TBC1D22A: variants seen among roughly 807,000 people sequenced by gnomAD.
TBC1D22A encodes TBC1 domain family member 22A.
Under a neutral mutation model 60.2 loss-of-function variants are expected in TBC1D22A, and 38 were observed. That is an observed-to-expected ratio of 0.63 (90% CI 0.49 to 0.83). The LOEUF (loss-of-function observed/expected upper bound fraction) is 0.83. TBC1D22A is among the 40% of genes least tolerant of loss of function. The probability of loss-of-function intolerance (pLI) is 0.00; values close to 1 mark genes in which losing one functional copy is unlikely to be tolerated. For missense variants in TBC1D22A, 628 were observed against 701.0 expected (o/e 0.90, Z 1.18); for synonymous variants, 302 against 281.7 (o/e 1.07, Z -0.72).
rs1043644248 is a variant in TBC1D22A, at chr22:47,174,005, G to A, written c.*379G>A. Reference sequence around the variant, plus strand: ...GCTGTCTGGGTGCCAGGGCCGGAACGAGGTAGTGGCCATCTCATACCTACT... The same window carrying A: ...GCTGTCTGGGTGCCAGGGCCGGAACAAGGTAGTGGCCATCTCATACCTACT... On this transcript the variant is annotated 3_prime_UTR_variant, in exon 13 of 13. Coordinates refer to ENST00000337137, the MANE Select transcript of TBC1D22A (RefSeq NM_014346.5). The A allele has an allele frequency of 1.4e-5, 3 of 206,968 alleles. No individual in the cohort carries two copies. In the East Asian group the frequency reaches 3.9e-4, roughly 27 times the overall value. The allele number at this position is 206,968 out of a possible 1,614,324, so 12.8% of individuals were successfully genotyped here.
intron 12 of TBC1D22A, among the ~76,000 whole-genome samples, chr22:47,162,540 A>C (rs1157500066): frequency 6.6e-6 from 1 of 152,214 alleles, no homozygotes; most frequent in Non-Finnish European, 1.5e-5. Flanking sequence ...TGTGAACAAC[A>C]GTGCACAGAT....
chr22:47,057,840 A>T (rs2063445736), intron 11 of TBC1D22A, among the ~76,000 whole-genome samples: 1 of 152,206 alleles, frequency 6.6e-6, no homozygotes. Context: ...GTTGGGACAC[A>T]GTCAGACCAC....
Position 46,777,936 on chromosome 22 carries a change from C to T in TBC1D22A, c.63-14584C>T, listed in dbSNP as rs953279355. ...TCGCCTGCTGCACACCTAGGCTGTACGGCACCGTCTGTTGCTCTGAGGCTA... is the reference window on the plus strand; with the variant it reads ...TCGCCTGCTGCACACCTAGGCTGTATGGCACCGTCTGTTGCTCTGAGGCTA... On this transcript the variant is annotated intron_variant, in intron 1 of 12. Coordinates refer to ENST00000337137, the MANE Select transcript of TBC1D22A (RefSeq NM_014346.5). This position sits in a 1 kb window ranked among gnomAD's most constrained non-coding sequence, Gnocchi z 4.5. Among the ~76,000 whole-genome samples the T allele has an allele frequency of 3.3e-5, 5 of 152,186 alleles. No individual in the cohort carries two copies. Among genetic ancestry groups the T allele is most frequent in the East Asian group, 1.9e-4 (1 of 5,200 alleles).
chr22:47,054,224 A>C lies in TBC1D22A; in HGVS notation c.1329+17026A>C, dbSNP rs375078406. Among the ~76,000 whole-genome samples the C allele has an allele frequency of 1.4e-4, 22 of 152,190 alleles. No homozygotes were observed. The East Asian group carries it at 2.5e-3, about 17-fold the overall frequency. ...AAAGAGGGATGCTGTTTCAGGAAAA[A>C]AGCAAGATGTTGGTGAGAGCACGTG... On this transcript the variant is annotated intron_variant, in intron 11 of 12. Coordinates refer to ENST00000337137, the MANE Select transcript of TBC1D22A (RefSeq NM_014346.5).
At chr22:47,037,563 G>A (rs746645849) in intron 11 of TBC1D22A, among the ~76,000 whole-genome samples, 4 of 152,176 alleles carry the variant, frequency 2.6e-5, no homozygotes, top group Non-Finnish European at 5.9e-5. Flanking sequence ...CCCGGGAGGC[G>A]GAGGTTGCAG....
rs1294436424 is a variant in TBC1D22A, at chr22:47,028,515, C to A, written c.1202-8556C>A. On this transcript the variant is annotated intron_variant, in intron 10 of 12. Coordinates refer to ENST00000337137, the MANE Select transcript of TBC1D22A (RefSeq NM_014346.5). The surrounding 1 kb of genome is among the most constrained non-coding windows in gnomAD (Gnocchi z 4.4). The stretch of plus-strand genomic sequence containing the variant: ...CGCATTCCTGTCCCTCGGTCCCTGT[C>A]CCCCACGGCCCAGGTTCTGAGAGTG... Among the ~76,000 whole-genome samples, 1 of 139,536 alleles carries A rather than the reference C, an allele frequency of 7.2e-6. No homozygotes were observed. The highest frequency in any genetic ancestry group is 1.5e-5 in the Non-Finnish European group (1 of 65,208). 91.5% of individuals were successfully genotyped at this position (139,536 alleles called of 152,430 possible).
intron 8 of TBC1D22A, among the ~76,000 whole-genome samples, chr22:46,958,453 A>C (rs1488680502): frequency 6.6e-6 from 1 of 152,138 alleles, no homozygotes; most frequent in Non-Finnish European, 1.5e-5. Context: ...CGGCATATGC[A>C]TGTGGAGAGG....
chr22:46,878,477 A>G (rs1298454595), intron 4 of TBC1D22A, among the ~76,000 whole-genome samples, 176 bp from the exon 5 acceptor site: 1 of 151,822 alleles, frequency 6.6e-6, no homozygotes, highest in African/African-American at 2.4e-5. Flanking sequence ...TAGAATGGTC[A>G]CTTACCTTCT....
chr22:47,046,518 C>G (rs1320207519), intron 11 of TBC1D22A, among the ~76,000 whole-genome samples: 1 of 152,118 alleles, frequency 6.6e-6, no homozygotes, highest in Non-Finnish European at 1.5e-5. Flanking sequence ...TTGCTCACAC[C>G]TGGCCCTGTG....
intron 1 of TBC1D22A, among the ~76,000 whole-genome samples, chr22:46,771,989 C>G (rs2083494344): frequency 6.6e-6 from 1 of 151,940 alleles, no homozygotes; most frequent in South Asian, 2.1e-4. Context: ...TCATCGAGGT[C>G]TCTGCGAATG....
At chr22:46,847,066 A>G (rs544800903) in intron 4 of TBC1D22A, among the ~76,000 whole-genome samples, 13 of 152,188 alleles carry the variant, frequency 8.5e-5, no homozygotes, top group Admixed American at 6.5e-4. Context: ...CGGCTGTGCA[A>G]CTAATGATCT....
At chr22:46,881,021 T>G (rs2067824012) in intron 5 of TBC1D22A, among the ~76,000 whole-genome samples, 1 of 151,786 alleles carries the variant, frequency 6.6e-6, no homozygotes, top group Non-Finnish European at 1.5e-5. Context: ...TCTCTGCTAG[T>G]GGGAAGTGGG....
chr22:46,882,655 G>A (rs1602297923), intron 5 of TBC1D22A, among the ~76,000 whole-genome samples: 1 of 152,212 alleles, frequency 6.6e-6, no homozygotes, highest in African/African-American at 2.4e-5. Flanking sequence ...GGGAGGGTTC[G>A]GGTGAGCAGG....
intron 11 of TBC1D22A, among the ~76,000 whole-genome samples, chr22:47,091,610 G>A (rs541676270): frequency 4.3e-4 from 65 of 152,122 alleles, no homozygotes; most frequent in African/African-American, 1.5e-3. Context: ...GTCGTCTTTC[G>A]GGGAGTGGCC....
chr22:47,090,343 C>T (rs1351145717), intron 11 of TBC1D22A, among the ~76,000 whole-genome samples: 5 of 144,082 alleles, frequency 3.5e-5, no homozygotes, highest in Admixed American at 1.5e-4. Context: ...CTCAGACAGA[C>T]GGGGCGTCTT....
chr22:47,119,235 A>G (rs1332326427), intron 12 of TBC1D22A, among the ~76,000 whole-genome samples: 1 of 152,250 alleles, frequency 6.6e-6, no homozygotes, highest in Non-Finnish European at 1.5e-5. Flanking sequence ...TATGATTCTA[A>G]GGCCAGAAAA....
At chr22:47,025,124 A>G (rs2062213007) in intron 10 of TBC1D22A, among the ~76,000 whole-genome samples, 2 of 152,222 alleles carry the variant, frequency 1.3e-5, no homozygotes, top group African/African-American at 4.8e-5. Flanking sequence ...GCAAAATCAG[A>G]TAAAAATGCA....
At chr22:47,145,993 C>A (rs766216102) in intron 12 of TBC1D22A, among the ~76,000 whole-genome samples, 1 of 149,050 alleles carries the variant, frequency 6.7e-6, no homozygotes, top group African/African-American at 2.5e-5. Context: ...TGGCCTGTTC[C>A]GTGCTGTCCC....
chr22:47,124,802 A>G (rs1480125045), intron 12 of TBC1D22A, among the ~76,000 whole-genome samples: 2 of 151,990 alleles, frequency 1.3e-5, no homozygotes, highest in Non-Finnish European at 2.9e-5. Context: ...GGCTCCACCG[A>G]GGTCCGCCAG....
Sources: allele counts gnomAD v4.1 joint callset (sites outside exome capture counted in the v4.1 genomes callset), GRCh38; gene constraint gnomAD v4.1.1; non-coding constraint Gnocchi (gnomAD v3.1); transcripts MANE v1.5; gene names NCBI Gene and HGNC (gene_info 2026-07-23, HGNC 2026-07-21).